SLC17A2: variants seen among roughly 807,000 people sequenced by gnomAD.
SLC17A2 encodes sodium-dependent phosphate transport protein 3.
SLC17A2 carries 38 observed loss-of-function variants against 52.1 expected under a neutral mutation model. The observed-to-expected ratio is 0.73, with a 90% confidence interval of 0.56 to 0.96. The LOEUF (loss-of-function observed/expected upper bound fraction) is 0.96, where lower values mean the gene tolerates loss of function less well. Among genes scored for constraint, SLC17A2 ranks in the 40% least tolerant of loss-of-function variants. The pLI, the probability that SLC17A2 is intolerant of heterozygous loss-of-function variation, is 0.00. For synonymous variants in SLC17A2, 226 were observed against 211.9 expected (o/e 1.07, Z -0.58); for missense variants, 508 against 583.9 (o/e 0.87, Z 1.34).
chr6:25,922,650 A>G (rs1024989380), intron 3 of SLC17A2, among the ~76,000 whole-genome samples: 4 of 152,222 alleles, frequency 2.6e-5, no homozygotes, highest in African/African-American at 4.8e-5. Flanking sequence ...GCTAGGTCCA[A>G]TGTAATAAAA....
At chr6:25,923,524 G>T (rs1190654015) in intron 3 of SLC17A2, among the ~76,000 whole-genome samples, 171 bp downstream of exon 3, 1 of 152,104 alleles carries the variant, frequency 6.6e-6, no homozygotes, top group Non-Finnish European at 1.5e-5. Context: ...TAACCTCAAT[G>T]AAATCTTATT....
Position 25,913,208 on chromosome 6 carries a change from C to A in SLC17A2, c.*109G>T. 1 of 1,197,384 alleles carries A rather than the reference C, an allele frequency of 8.4e-7. No individual in the cohort carries two copies. The allele number at this position is 1,197,384 out of a possible 1,614,324, so 74.2% of individuals were successfully genotyped here. A position where few individuals can be genotyped will look rare whatever the true frequency, so the allele number is the denominator to read the frequency against. ...AGGCTCCCCAGGGAAGACTAACACA[C>A]AGCCAGAGTTAAGAACTGCTGAGTC... is the stretch of plus-strand genomic sequence containing the variant. On this transcript the variant is annotated 3_prime_UTR_variant, in exon 12 of 12. Transcript: ENST00000377850.
chr6:25,927,476 A>G (rs1766808340), intron 1 of SLC17A2, among the ~76,000 whole-genome samples: 1 of 152,220 alleles, frequency 6.6e-6, no homozygotes, highest in South Asian at 2.1e-4. Context: ...AGTAATGACT[A>G]TTTCTGGGTT....
intron 3 of SLC17A2, among the ~76,000 whole-genome samples, chr6:25,922,212 T>C (rs945784268): frequency 3.9e-5 from 6 of 152,020 alleles, no homozygotes; most frequent in Non-Finnish European, 8.8e-5. Flanking sequence ...GAATCAAGAT[T>C]TGAGGATGAA....
rs1325854657 is a variant in SLC17A2 at position 25,915,846 on chromosome 6, G to A, written c.953C>T (p.Pro318Leu). 3 of 1,613,916 alleles carry A rather than the reference G, an allele frequency of 1.9e-6. No individual in the cohort carries two copies. The highest frequency in any genetic ancestry group is 1.7e-6 in the Non-Finnish European group (2 of 1,179,986). Residue 318 changes from proline (P) to leucine (L), a missense_variant, in exon 9 of 12, where the codon CCT becomes CTT. Physicochemically the swap from Pro to Leu is moderately conservative, Grantham distance 98. Coordinates refer to ENST00000377850, the MANE Select transcript of SLC17A2 (RefSeq NM_001286123.3). ...TGTACAGCTTGCAGCAGCAATAAAAGGCAGGGAGGACAGAACTCCACTCTG... is the reference window on the plus strand; with the variant it reads ...TGTACAGCTTGCAGCAGCAATAAAAAGCAGGGAGGACAGAACTCCACTCTG... Reference protein sequence around the residue: ...IRDSGVLSSLPFIAAASCTIL... With the variant: ...IRDSGVLSSLLFIAAASCTIL...
rs1158528669 is a variant in SLC17A2, at chr6:25,914,603, C to T, written c.1279G>A (p.Ala427Thr). 1 of 1,612,144 alleles carries T rather than the reference C, an allele frequency of 6.2e-7. No individual in the cohort carries two copies. The highest frequency in any genetic ancestry group is 1.3e-5 in the African/African-American group (1 of 74,884). The change falls in exon 11 of 12, where the codon GCC becomes ACC. Residue 427 changes from alanine to threonine, a missense_variant. Ala to Thr is a moderately conservative substitution (Grantham distance 58, BLOSUM62 0). Transcript: ENST00000377850. The part of the protein sequence containing the change: ...GLIAGIISST[A>T]TGFLISQDFE... ...ACCTGACTGATGAGGAATCCAGTGG[C>T]AGTGGAAGAGATGATTCCTGCGATG...
chr6:25,921,777 A>G (rs1463202356), intron 3 of SLC17A2, among the ~76,000 whole-genome samples: 1 of 152,112 alleles, frequency 6.6e-6, no homozygotes, highest in Non-Finnish European at 1.5e-5. Flanking sequence ...TTTTTAAAAC[A>G]CACACACAAA....
In SLC17A2 at chr6:25,915,573, C is replaced by A. The variant is rs775224430; in HGVS notation, c.1137G>T (p.Leu379Phe). 3.1e-6 allele frequency: 5 copies of A among 1,607,430 alleles called. No individual in the cohort carries two copies. Among genetic ancestry groups the A allele is most frequent in the Non-Finnish European group, 4.2e-6 (5 of 1,176,766 alleles). The stretch of plus-strand genomic sequence containing the variant: ...TACTGGTCCCAGGAATAAGTATCAG[C>A]AAAATAATGGTTATCACGTAACTGG... ...VASSYVITII[L>F]LILIPGTSNL... The change falls in exon 10 of 12, where the codon TTG (leucine) becomes TTT (phenylalanine). Residue 379 changes from leucine (L) to phenylalanine (F), a missense_variant. Leu to Phe is a conservative substitution (Grantham distance 22, BLOSUM62 0). Transcript: ENST00000377850.
At position 25,913,344 on chromosome 6, in the gene SLC17A2, G is replaced by C. The variant is rs145109881; in HGVS notation, c.1410C>G (p.Ala470=). Residue 470 remains alanine, a synonymous_variant, in exon 12 of 12, where the codon GCC becomes GCG. Coordinates refer to ENST00000377850, the MANE Select transcript of SLC17A2 (RefSeq NM_001286123.3). ...TFGQAELQDW[A]KERTLTRL is the part of the protein sequence containing the mutation. Reference sequence around the variant, plus strand: ...AGAGGCGGGTAAGGGTCCTCTCTTTGGCCCAGTCTTGAAGTTCTGCTTGTC... The same window carrying C: ...AGAGGCGGGTAAGGGTCCTCTCTTTCGCCCAGTCTTGAAGTTCTGCTTGTC... The C allele has an allele frequency of 2.5e-6, 4 of 1,613,720 alleles. No individual in the cohort carries two copies. Among genetic ancestry groups the C allele is most frequent in the Non-Finnish European group, 3.4e-6 (4 of 1,179,938 alleles).
Position 25,915,149 on chromosome 6 carries a change from G to GTGTATATATATATATATATATA in SLC17A2, c.1211+349_1211+350insTATATATATATATATATATACA, listed in dbSNP as rs749697702. ...GCACAGGAGCTGGCTTATTGTGACT[G>GTGTATATATATATATATATATA]TATATATATATATATATATATATAT... On this transcript the variant is annotated intron_variant, in intron 10 of 11. Coordinates refer to ENST00000377850, the MANE Select transcript of SLC17A2 (RefSeq NM_001286123.3). Among the ~76,000 whole-genome samples, 166 of 57,876 alleles carry GTGTATATATATATATATATATA rather than the reference G, an allele frequency of 2.9e-3. 4 individuals are homozygous for GTGTATATATATATATATATATA. The highest frequency in any genetic ancestry group is 6.8e-3 in the South Asian group (13 of 1,898). 38.0% of individuals were successfully genotyped at this position (57,876 alleles called of 152,430 possible). A position where few individuals can be genotyped will look rare whatever the true frequency, so the allele number is the denominator to read the frequency against.
intron 2 of SLC17A2, among the ~76,000 whole-genome samples, chr6:25,924,923 C>T (rs1210758039): frequency 6.6e-6 from 1 of 152,012 alleles, no homozygotes; most frequent in Non-Finnish European, 1.5e-5. Context: ...AAAGCATCCC[C>T]ATAAAATGGA....
chr6:25,922,136 TAA>T (rs1417722635), intron 3 of SLC17A2, among the ~76,000 whole-genome samples: 2 of 151,760 alleles, frequency 1.3e-5, no homozygotes, highest in African/African-American at 4.8e-5. Flanking sequence ...CCAAAGAATA[TAA>T]AATATGAAAT....
intron 1 of SLC17A2, among the ~76,000 whole-genome samples, chr6:25,928,632 A>C (rs1192570403): frequency 6.6e-6 from 1 of 152,220 alleles, no homozygotes; most frequent in African/African-American, 2.4e-5. Flanking sequence ...AATCAGGCTA[A>C]CATACCAAAC....
At chr6:25,914,470 C>A in intron 11 of SLC17A2, 110 bp downstream of exon 11, 1 of 721,720 alleles carries the variant, frequency 1.4e-6, no homozygotes, top group Non-Finnish European at 2.5e-6. Flanking sequence ...TTTAGAGGCT[C>A]ATGTAAATAG....
chr6:25,921,520 T>C, intron 3 of SLC17A2, 108 bp from the exon 4 acceptor site: 2 of 716,868 alleles, frequency 2.8e-6, no homozygotes, highest in African/African-American at 1.8e-5. Flanking sequence ...AATATTGATT[T>C]TTGTTTCTCT....
intron 1 of SLC17A2, among the ~76,000 whole-genome samples, chr6:25,926,710 A>G (rs944192178): frequency 2.6e-5 from 4 of 152,204 alleles, no homozygotes; most frequent in African/African-American, 9.7e-5. Context: ...TGAAGCTTCT[A>G]TGACTTTATT....
At chr6:25,920,686 C>T (rs1766517759) in intron 5 of SLC17A2, among the ~76,000 whole-genome samples, 1 of 152,118 alleles carries the variant, frequency 6.6e-6, no homozygotes, top group Admixed American at 6.6e-5. Context: ...GTATATATAG[C>T]TTACTTGATC....
chr6:25,922,435 C>A (rs1025043103), intron 3 of SLC17A2, among the ~76,000 whole-genome samples: 4 of 152,216 alleles, frequency 2.6e-5, no homozygotes, highest in Non-Finnish European at 4.4e-5. Context: ...CAAAAACTTT[C>A]CATGGGTCAT....
chr6:25,929,747 A>G (rs1007205462), intron 1 of SLC17A2, among the ~76,000 whole-genome samples: 8 of 152,136 alleles, frequency 5.3e-5, no homozygotes, highest in African/African-American at 1.9e-4. Flanking sequence ...ACAAGCGTAC[A>G]ATTTTCTTGC....
Sources: gnomAD v4.1 joint callset for allele counts (sites outside exome capture counted in the v4.1 genomes callset) on GRCh38, gnomAD v4.1.1 for gene constraint, MANE v1.5 for transcripts, NCBI Gene and HGNC (gene_info 2026-07-23, HGNC 2026-07-21) for gene names.